CD44: variants seen among roughly 807,000 people sequenced by gnomAD.
CD44 encodes the protein CD44 molecule (IN blood group), also known as CD44 antigen.
CD44 carries 49 observed loss-of-function variants against 88.8 expected under a neutral mutation model. The ratio of observed to expected loss-of-function variants is 0.55; its 90% CI spans 0.44 to 0.70. CD44 has a LOEUF of 0.70. Ranked by LOEUF, CD44 falls within the 30% of genes least tolerant of loss-of-function variation. The probability of loss-of-function intolerance (pLI) is 0.00; values close to 1 mark genes in which losing one functional copy is unlikely to be tolerated. For synonymous variants in CD44, 325 were observed against 312.3 expected (o/e 1.04, Z -0.43); for missense variants, 883 against 913.8 (o/e 0.97, Z 0.43).
At chr11:35,217,492 G>C (rs759695108) in intron 15 of CD44, among the ~76,000 whole-genome samples, 2 of 152,308 alleles carry the variant, frequency 1.3e-5, no homozygotes, top group East Asian at 1.9e-4. Context: ...ACACTGGAAG[G>C]CATGTAGGGA....
intron 1 of CD44, among the ~76,000 whole-genome samples, chr11:35,143,301 G>A (rs1240003598): frequency 1.3e-5 from 2 of 151,388 alleles, no homozygotes; most frequent in Non-Finnish European, 2.9e-5. Context: ...GGTACCATAT[G>A]GTCCTGTGTA....
At chr11:35,182,377 T>C (rs1480782065) in intron 3 of CD44, among the ~76,000 whole-genome samples, 2 of 152,012 alleles carry the variant, frequency 1.3e-5, no homozygotes, top group African/African-American at 4.8e-5. Context: ...GTGAAGCCAG[T>C]AGATTTTGAC....
intron 5 of CD44, among the ~76,000 whole-genome samples, chr11:35,190,918 G>A (rs896536139): frequency 4.6e-5 from 7 of 152,162 alleles, no homozygotes; most frequent in African/African-American, 1.7e-4. Flanking sequence ...TTTGGAGTTT[G>A]CCCCTCGCGC....
At chr11:35,220,090 C>G (rs10836342) in intron 16 of CD44, among the ~76,000 whole-genome samples, 45,052 of 152,130 alleles carry the variant, frequency 0.3, 7,001 homozygotes, top group South Asian at 0.49. Context: ...ATTCTCTCCT[C>G]TTCAGAGGTC....
At chr11:35,180,518 C>A (rs1279265430) in intron 3 of CD44, 111 bp downstream of exon 3, 5 of 1,171,702 alleles carry the variant, frequency 4.3e-6, no homozygotes, top group Non-Finnish European at 6.3e-6. Context: ...CAAATGCTCA[C>A]TGAATATCTG....
At chr11:35,140,621 CTG>C (rs1857719414) in intron 1 of CD44, among the ~76,000 whole-genome samples, 1 of 152,154 alleles carries the variant, frequency 6.6e-6, no homozygotes, top group African/African-American at 2.4e-5. Context: ...GATGAGTTCT[CTG>C]TGCATATGCA....
intron 1 of CD44, among the ~76,000 whole-genome samples, chr11:35,151,197 T>C (rs1427842750): frequency 1.3e-5 from 2 of 152,092 alleles, no homozygotes; most frequent in South Asian, 2.1e-4. Context: ...AATGGCTTGA[T>C]TGGGGCCAGG....
chr11:35,181,902 A>G (rs1325138263), intron 3 of CD44, among the ~76,000 whole-genome samples: 1 of 59,710 alleles, frequency 1.7e-5, no homozygotes, highest in East Asian at 2.8e-4. Context: ...ATAATATAAT[A>G]TATAATATAT....
chr11:35,196,901 G>A (rs562979400), intron 6 of CD44, 27 bp downstream of exon 6: 99 of 1,606,214 alleles, frequency 6.2e-5, no homozygotes, highest in Admixed American at 3.7e-4. Flanking sequence ...ATCTCATAGC[G>A]TATGTTTTCT....
chr11:35,232,309 A>T lies in CD44; in HGVS notation c.*2976A>T, dbSNP rs1950098065. On this transcript the variant is annotated 3_prime_UTR_variant, in exon 18 of 18. Transcript: ENST00000428726. ...TTTGTATATTTATTGATGGATCAAT[A>T]ATAATGAGGAAAGCATGATATGTAT... is the stretch of plus-strand genomic sequence containing the variant. 6.5e-6 allele frequency: 1 copy of T among 152,672 alleles called. No individual in the cohort carries two copies. Among genetic ancestry groups the T allele is most frequent in the Admixed American group, 6.5e-5 (1 of 15,288 alleles). 9.5% of individuals were successfully genotyped at this position (152,672 alleles called of 1,614,324 possible).
At chr11:35,212,724 A>G (rs1385375197) in intron 14 of CD44, 2 of 152,216 alleles carry the variant, frequency 1.3e-5, no homozygotes, top group African/African-American at 2.4e-5. Context: ...TTCTGCTCTC[A>G]TTTATTAAAA....
chr11:35,219,489 T>C (rs1949115339), intron 16 of CD44, 102 bp downstream of exon 16: 1 of 783,664 alleles, frequency 1.3e-6, no homozygotes, highest in African/African-American at 1.7e-5. Context: ...TTCTCCACAA[T>C]GCCCAACATA....
At chr11:35,158,719 T>C (rs528584902) in intron 1 of CD44, among the ~76,000 whole-genome samples, 3 of 152,312 alleles carry the variant, frequency 2.0e-5, no homozygotes, top group African/African-American at 4.8e-5. Context: ...TAAACTCTCA[T>C]TGAATTTGGC....
chr11:35,207,177 AT>A (rs1947950092), intron 11 of CD44, among the ~76,000 whole-genome samples: 1 of 152,210 alleles, frequency 6.6e-6, no homozygotes, highest in African/African-American at 2.4e-5. Flanking sequence ...GGGTCACCAC[AT>A]TTTTGTCCTA....
At chr11:35,180,534 C>A in intron 3 of CD44, 127 bp downstream of exon 3, 1 of 985,834 alleles carries the variant, frequency 1.0e-6, no homozygotes, top group Non-Finnish European at 1.5e-6. Flanking sequence ...ATCTGTACAG[C>A]AGAGCCAACA....
intron 1 of CD44, among the ~76,000 whole-genome samples, chr11:35,141,959 G>A (rs920967063): frequency 2.6e-5 from 4 of 152,210 alleles, no homozygotes; most frequent in East Asian, 1.9e-4. Context: ...TTGGAAAGGA[G>A]CAAGGCTTTG....
At chr11:35,182,105 A>G (rs1249946735) in intron 3 of CD44, among the ~76,000 whole-genome samples, 3 of 144,098 alleles carry the variant, frequency 2.1e-5, no homozygotes, top group Non-Finnish European at 4.5e-5. Context: ...ATATACATAT[A>G]CCATATATAT....
intron 1 of CD44, among the ~76,000 whole-genome samples, chr11:35,152,508 G>C (rs1404595511): frequency 1.3e-5 from 2 of 152,168 alleles, no homozygotes; most frequent in Admixed American, 6.5e-5. Flanking sequence ...GAACCATTTG[G>C]GGATAATAAT....
intron 17 of CD44, among the ~76,000 whole-genome samples, chr11:35,223,700 G>C (rs1014997681): frequency 1.7e-4 from 26 of 152,174 alleles, no homozygotes; most frequent in African/African-American, 6.0e-4. Context: ...GTCCTGATTT[G>C]ATAATTGAAA....
Sources: allele counts gnomAD v4.1 joint callset (sites outside exome capture counted in the v4.1 genomes callset), GRCh38; gene constraint gnomAD v4.1.1; transcripts MANE v1.5; gene names NCBI Gene and HGNC (gene_info 2026-07-23, HGNC 2026-07-21).